Variants in GRB10 observed in about 807,000 individuals in gnomAD.
GRB10 encodes growth factor receptor-bound protein 10.
A neutral mutation model predicts 80.9 loss-of-function variants in GRB10; 20 were observed. That is an observed-to-expected ratio of 0.25 (90% CI 0.17 to 0.36). The LOEUF (loss-of-function observed/expected upper bound fraction) is 0.36. Ranked by LOEUF, GRB10 falls within the 10% of genes least tolerant of loss-of-function variation. The pLI is 1.00. For missense variants in GRB10, 548 were observed against 747.7 expected, an observed-to-expected ratio of 0.73 and a Z score of 3.12; for synonymous variants, 291 against 291.5, an observed-to-expected ratio of 1.00 and a Z score of 0.02.
rs1172079469 is a variant in GRB10 at position 50,591,320 on chromosome 7, G to C, written c.*1632C>G. ...CTTCCAGCTGACTGGCCTTACTGAA[G>C]CTTGTGACACTGCTCTAGGCTACGG... On this transcript the variant is annotated 3_prime_UTR_variant, in exon 19 of 19. Transcript: ENST00000401949. 6.6e-6 allele frequency: 1 copy of C among 152,234 alleles called. No individual in the cohort carries two copies. The highest frequency in any genetic ancestry group is 1.5e-5 in the Non-Finnish European group (1 of 68,060). 9.4% of individuals were successfully genotyped at this position (152,234 alleles called of 1,614,324 possible).
intron 8 of GRB10, among the ~76,000 whole-genome samples, chr7:50,625,978 T>C (rs1585895737): frequency 6.6e-6 from 1 of 152,340 alleles, no homozygotes; most frequent in East Asian, 1.9e-4. Context: ...AAGTTTCCAA[T>C]CTGTGTTATT....
intron 18 of GRB10, 144 bp downstream of exon 18, chr7:50,595,293 A>G (rs1391944666): frequency 1.0e-5 from 7 of 685,770 alleles, no homozygotes; most frequent in Non-Finnish European, 1.8e-5. Context: ...ACAAACCTGT[A>G]AAGAAATTCT....
Position 50,619,240 on chromosome 7 carries a change from G to T in GRB10, c.707C>A (p.Thr236Asn), listed in dbSNP as rs1200301335. 5 of 1,613,484 alleles carry T rather than the reference G, an allele frequency of 3.1e-6. No homozygotes were observed. The highest frequency in any genetic ancestry group is 4.2e-6 in the Non-Finnish European group (5 of 1,179,742). Residue 236 changes from threonine to asparagine, a missense_variant, in exon 9 of 19, where the codon ACC becomes AAC. Coordinates refer to ENST00000401949, the MANE Select transcript of GRB10 (RefSeq NM_001350814.2). Reference protein sequence around the residue: ...DHELVVQVESTMASESKFLFR... With the variant: ...DHELVVQVESNMASESKFLFR... ...TAGAAATTTACTCTCACTGGCCATG[G>T]TACTCTCCACCTGGACCACCAGCTC... is the stretch of plus-strand genomic sequence containing the variant.
intron 7 of GRB10, among the ~76,000 whole-genome samples, chr7:50,651,055 G>C (rs1005552472): frequency 6.6e-6 from 1 of 152,202 alleles, no homozygotes; most frequent in East Asian, 1.9e-4. Context: ...TGCTTTAATA[G>C]TTAGGGTTTC....
At chr7:50,671,546 AT>A (rs1563376205) in intron 6 of GRB10, among the ~76,000 whole-genome samples, 1 of 152,248 alleles carries the variant, frequency 6.6e-6, no homozygotes, top group Non-Finnish European at 1.5e-5. Flanking sequence ...AGCCGTTCCT[AT>A]AATGGTTTGA....
At chr7:50,682,528 G>A (rs2061661816) in intron 5 of GRB10, among the ~76,000 whole-genome samples, 1 of 152,192 alleles carries the variant, frequency 6.6e-6, no homozygotes. Flanking sequence ...CCCGAACAAA[G>A]GGATGACCCT....
chr7:50,604,893 G>A (rs1693411953), intron 15 of GRB10: 1 of 296,048 alleles, frequency 3.4e-6, no homozygotes, highest in African/African-American at 2.2e-5. Context: ...CAGGGGTGAG[G>A]GAGTGGCCCA....
chr7:50,665,456 T>C (rs978979474), intron 7 of GRB10, among the ~76,000 whole-genome samples: 19 of 152,388 alleles, frequency 1.2e-4, no homozygotes, highest in African/African-American at 4.3e-4. Flanking sequence ...TGAGGGCCCA[T>C]GAGCCAGTGG....
At chr7:50,712,294 G>C (rs914066411) in intron 4 of GRB10, among the ~76,000 whole-genome samples, 1 of 152,186 alleles carries the variant, frequency 6.6e-6, no homozygotes, top group African/African-American at 2.4e-5. Context: ...CAAGAGGAAA[G>C]GAAGCAAGAG....
chr7:50,768,378 C>T (rs2076585510), intron 2 of GRB10, among the ~76,000 whole-genome samples: 4 of 152,198 alleles, frequency 2.6e-5, no homozygotes, highest in Admixed American at 2.6e-4. Flanking sequence ...CTCCTTCAAT[C>T]CCCAAATTAA....
At chr7:50,605,106 T>G in intron 15 of GRB10, 184 bp downstream of exon 15, 1 of 621,224 alleles carries the variant, frequency 1.6e-6, no homozygotes, top group East Asian at 2.7e-5. Context: ...GGGGAAAGGC[T>G]GGGTGCTGGG....
intron 5 of GRB10, among the ~76,000 whole-genome samples, chr7:50,695,563 G>A (rs887847015): frequency 9.9e-5 from 15 of 152,256 alleles, no homozygotes; most frequent in African/African-American, 3.6e-4. Flanking sequence ...GAGGTGTAAT[G>A]CTATTTGCTC....
intron 1 of GRB10, 43 bp from the exon 2 acceptor site, chr7:50,780,779 AAGACATTCT>A (rs1303690683): frequency 6.6e-5 from 10 of 152,212 alleles, no homozygotes; most frequent in African/African-American, 2.2e-4. Context: ...CGAGTTTCCT[AAGACATTCT>A]TACTAAGTCA....
intron 4 of GRB10, among the ~76,000 whole-genome samples, chr7:50,726,230 T>A (rs1370211719): frequency 2.6e-5 from 4 of 152,080 alleles, no homozygotes; most frequent in Non-Finnish European, 5.9e-5. Flanking sequence ...AAACCCCATC[T>A]CTGCTAAAAA....
At chr7:50,689,635 A>C (rs534854664) in intron 5 of GRB10, among the ~76,000 whole-genome samples, 22 of 152,256 alleles carry the variant, frequency 1.4e-4, no homozygotes, top group Admixed American at 5.2e-4. Flanking sequence ...GATTGACTGC[A>C]AATGTGCACA....
At chr7:50,778,980 T>A (rs999321987) in intron 2 of GRB10, among the ~76,000 whole-genome samples, 6 of 152,126 alleles carry the variant, frequency 3.9e-5, no homozygotes, top group African/African-American at 1.4e-4. Flanking sequence ...TCCAAACAAA[T>A]GTCAAAGCAG....
chr7:50,646,048 C>T (rs971579607), intron 7 of GRB10, among the ~76,000 whole-genome samples: 1 of 152,206 alleles, frequency 6.6e-6, no homozygotes, highest in Non-Finnish European at 1.5e-5. Context: ...TGGAAACCAA[C>T]CTATCCATCT....
intron 18 of GRB10, among the ~76,000 whole-genome samples, chr7:50,594,562 C>T (rs1170515835): frequency 2.6e-5 from 4 of 152,202 alleles, no homozygotes; most frequent in African/African-American, 9.7e-5. Context: ...TCCAGCCAGC[C>T]TCTTTTGGTA....
chr7:50,693,037 T>C (rs753097846), intron 5 of GRB10, among the ~76,000 whole-genome samples: 11 of 152,114 alleles, frequency 7.2e-5, no homozygotes, highest in Non-Finnish European at 1.3e-4. Flanking sequence ...AGCATCATTA[T>C]TTTTGCCAAT....
Sources: gnomAD v4.1 joint callset for allele counts (sites outside exome capture counted in the v4.1 genomes callset) on GRCh38, gnomAD v4.1.1 for gene constraint, MANE v1.5 for transcripts, NCBI Gene and HGNC (gene_info 2026-07-23, HGNC 2026-07-21) for gene names.